The following SNX27 variants were observed in gnomAD, a reference collection of about 807,000 sequenced individuals.
SNX27 encodes sorting nexin-27.
SNX27 carries 22 observed loss-of-function variants against 71.6 expected under a neutral mutation model. That is an observed-to-expected ratio of 0.31 (90% CI 0.22 to 0.44). The LOEUF is 0.44. SNX27 is among the 20% of genes least tolerant of loss of function. The pLI is 1.00. For missense variants in SNX27, 531 were observed against 698.6 expected, an observed-to-expected ratio of 0.76 and a Z score of 2.70; for synonymous variants, 269 against 277.2, an observed-to-expected ratio of 0.97 and a Z score of 0.29.
chr1:151,617,436 G>A (rs1328479529), intron 1 of SNX27, among the ~76,000 whole-genome samples: 12 of 151,948 alleles, frequency 7.9e-5, no homozygotes, highest in East Asian at 1.9e-4. Context: ...GTGCCACCAC[G>A]CCCATCTAAT....
chr1:151,660,996 A>T (rs1669942681), intron 4 of SNX27, 134 bp downstream of exon 4: 3 of 680,260 alleles, frequency 4.4e-6, no homozygotes, highest in South Asian at 3.3e-5. Context: ...TCCTTTTTAT[A>T]TGTATCCTAC....
intron 1 of SNX27, among the ~76,000 whole-genome samples, chr1:151,623,473 C>A (rs1468845776): frequency 1.3e-5 from 2 of 151,948 alleles, no homozygotes; most frequent in African/African-American, 4.8e-5. Flanking sequence ...ACCATGTTGG[C>A]CAGTCTGGTC....
chr1:151,638,688 A>AT (rs962267251), intron 1 of SNX27, among the ~76,000 whole-genome samples, 200 bp from the exon 2 acceptor site: 2 of 151,862 alleles, frequency 1.3e-5, no homozygotes, highest in African/African-American at 4.8e-5. Flanking sequence ...ACCTCTTTCC[A>AT]TTTTTCCCCC....
chr1:151,663,950 A>C (rs1232518824), intron 5 of SNX27, among the ~76,000 whole-genome samples: 1 of 151,962 alleles, frequency 6.6e-6, no homozygotes, highest in South Asian at 2.1e-4. Flanking sequence ...GATTAGCTAG[A>C]ATTCTTCTGA....
chr1:151,690,470 C>T (rs1433527884), intron 8 of SNX27, among the ~76,000 whole-genome samples: 1 of 151,880 alleles, frequency 6.6e-6, no homozygotes, highest in Non-Finnish European at 1.5e-5. Flanking sequence ...AGACAGGTCA[C>T]TTATTTTGAG....
intron 2 of SNX27, among the ~76,000 whole-genome samples, chr1:151,645,368 G>A (rs1049111095): frequency 6.6e-6 from 1 of 152,104 alleles, no homozygotes; most frequent in South Asian, 2.1e-4. Context: ...TTTGTATATT[G>A]AGTCATTTTG....
chr1:151,693,710 G>GTGGACATT (rs1671571208), intron 11 of SNX27: 1 of 1,606,940 alleles, frequency 6.2e-7, no homozygotes, highest in African/African-American at 1.3e-5. Flanking sequence ...TGTCTAGAGG[G>GTGGACATT]TGGACATTGG....
At chr1:151,629,834 C>T (rs1241585423) in intron 1 of SNX27, among the ~76,000 whole-genome samples, 1 of 151,878 alleles carries the variant, frequency 6.6e-6, no homozygotes, top group Non-Finnish European at 1.5e-5. Flanking sequence ...CTGCCTCAGC[C>T]TCCCAAAGTG....
intron 7 of SNX27, among the ~76,000 whole-genome samples, chr1:151,674,552 T>C (rs1670585737): frequency 6.6e-6 from 1 of 152,150 alleles, no homozygotes; most frequent in Non-Finnish European, 1.5e-5. Flanking sequence ...AGCAGCCCTC[T>C]CTCCTCAGCC....
At chr1:151,649,563 A>G (rs1209435852) in intron 2 of SNX27, among the ~76,000 whole-genome samples, 1 of 152,192 alleles carries the variant, frequency 6.6e-6, no homozygotes, top group Non-Finnish European at 1.5e-5. Flanking sequence ...AACCTGGGAG[A>G]CAGAGCTAAA....
rs373568096 is a variant in SNX27, at chr1:151,619,544, G to A, written c.311+7032G>A. 1.1e-4 allele frequency among the ~76,000 whole-genome samples: 16 copies of A among 152,174 alleles called. No individual in the cohort carries two copies. The South Asian group carries it at 2.7e-3, about 26-fold the overall frequency. On this transcript the variant is annotated intron_variant, in intron 1 of 11. Coordinates refer to ENST00000458013, the MANE Select transcript of SNX27 (RefSeq NM_001330723.2). ...TGAGATTCCTGGGCTGAAGTGATCC[G>A]CTTGCCTCGGCTTCCCAAAGTGCTG... is the stretch of plus-strand genomic sequence containing the variant.
chr1:151,657,780 C>T (rs921092167), intron 2 of SNX27, among the ~76,000 whole-genome samples: 3 of 152,076 alleles, frequency 2.0e-5, no homozygotes. Context: ...GTGGGTGGAT[C>T]ACCTGAGGTC....
chr1:151,618,430 A>C (rs546321540), intron 1 of SNX27, among the ~76,000 whole-genome samples: 7 of 152,314 alleles, frequency 4.6e-5, no homozygotes, highest in African/African-American at 1.7e-4. Flanking sequence ...ACTAAATTTG[A>C]AAATAGCATT....
At chr1:151,667,109 C>G (rs1261742102) in intron 6 of SNX27, 1 of 151,674 alleles carries the variant, frequency 6.6e-6, no homozygotes, top group African/African-American at 2.4e-5. Context: ...AAAAATTAGC[C>G]AAGCATGGTG....
intron 1 of SNX27, among the ~76,000 whole-genome samples, chr1:151,638,495 C>T (rs770831563): frequency 6.6e-6 from 1 of 152,164 alleles, no homozygotes; most frequent in Non-Finnish European, 1.5e-5. Flanking sequence ...GGACAAAGTA[C>T]AATTCAAGTG....
intron 2 of SNX27, among the ~76,000 whole-genome samples, chr1:151,655,979 T>C (rs1371714424): frequency 6.6e-6 from 1 of 152,072 alleles, no homozygotes; most frequent in Non-Finnish European, 1.5e-5. Context: ...ATCCCAGCAC[T>C]TTGGGAGGCC....
chr1:151,673,568 T>C (rs1197036339), intron 7 of SNX27, among the ~76,000 whole-genome samples: 1 of 152,162 alleles, frequency 6.6e-6, no homozygotes, highest in African/African-American at 2.4e-5. Flanking sequence ...ATTAAGTCCA[T>C]TGTATCTTTG....
chr1:151,622,530 A>G (rs1667723033), intron 1 of SNX27, among the ~76,000 whole-genome samples: 1 of 152,244 alleles, frequency 6.6e-6, no homozygotes, highest in Admixed American at 6.5e-5. Flanking sequence ...GGTTATTGAT[A>G]AAACAAGTAT....
chr1:151,615,209 T>G (rs1325330155), intron 1 of SNX27, among the ~76,000 whole-genome samples: 2 of 152,248 alleles, frequency 1.3e-5, no homozygotes, highest in African/African-American at 4.8e-5. Flanking sequence ...CTGGCATTGG[T>G]TTCTCACTCT....
Sources: allele counts gnomAD v4.1 joint callset (sites outside exome capture counted in the v4.1 genomes callset), GRCh38; gene constraint gnomAD v4.1.1; transcripts MANE v1.5; gene names NCBI Gene and HGNC (gene_info 2026-07-23, HGNC 2026-07-21).